Variants in PRDM2 observed in about 807,000 individuals in gnomAD.
The protein encoded by PRDM2 is PR domain zinc finger protein 2.
A neutral mutation model predicts 130.0 loss-of-function variants in PRDM2; 30 were observed. The observed-to-expected ratio is 0.23, with a 90% CI of 0.17 to 0.31. The LOEUF is 0.31. Ranked by LOEUF, PRDM2 falls within the 10% of genes least tolerant of loss-of-function variation. The pLI is 1.00. For missense variants in PRDM2, 2,011 were observed against 2,108.4 expected (o/e 0.95, Z 0.90); for synonymous variants, 871 against 782.4 (o/e 1.11, Z -1.89).
intron 5 of PRDM2, among the ~76,000 whole-genome samples, chr1:13,743,399 C>CAAAAAAAAAAA (rs70984282): frequency 2.4e-5 from 1 of 41,784 alleles, no homozygotes; most frequent in East Asian, 7.8e-4. Context: ...GACTCTGTCT[C>CAAAAAAAAAAA]AAAAAAAAAA....
chr1:13,804,599 GA>G (rs1645060029), intron 8 of PRDM2, among the ~76,000 whole-genome samples: 1 of 152,294 alleles, frequency 6.6e-6, no homozygotes, highest in Non-Finnish European at 1.5e-5. Context: ...TCCGGGGGGG[GA>G]AATGATGCCG....
intron 8 of PRDM2, chr1:13,786,831 G>A (rs1644751758): frequency 8.6e-7 from 1 of 1,162,530 alleles, no homozygotes; most frequent in Admixed American, 4.5e-5. Flanking sequence ...TCTGAGCATG[G>A]CCCTTGTTTT....
intron 5 of PRDM2, among the ~76,000 whole-genome samples, chr1:13,743,570 C>A (rs1166142464): frequency 6.6e-6 from 1 of 152,096 alleles, no homozygotes; most frequent in Non-Finnish European, 1.5e-5. Context: ...TTAAAAATGT[C>A]ATAGGTTGGA....
intron 6 of PRDM2, among the ~76,000 whole-genome samples, chr1:13,750,602 GTATT>G (rs1324959489): frequency 4.6e-5 from 7 of 152,150 alleles, no homozygotes; most frequent in Non-Finnish European, 8.8e-5. Flanking sequence ...TTTCAAGTAT[GTATT>G]CTTTGTATGT....
intron 9 of PRDM2, among the ~76,000 whole-genome samples, chr1:13,819,378 A>G (rs1394029966): frequency 2.6e-5 from 4 of 152,132 alleles, no homozygotes; most frequent in Non-Finnish European, 4.4e-5. Flanking sequence ...GAAGCGATCA[A>G]ATGAAGAGAG....
chr1:13,793,310 G>T (rs577817456), intron 8 of PRDM2, among the ~76,000 whole-genome samples: 2 of 152,346 alleles, frequency 1.3e-5, no homozygotes, highest in East Asian at 3.9e-4. Flanking sequence ...TGATGGCTGT[G>T]GTGGCGCTGG....
At chr1:13,707,246 A>G (rs1642236471) in intron 1 of PRDM2, among the ~76,000 whole-genome samples, 3 of 152,206 alleles carry the variant, frequency 2.0e-5, no homozygotes, top group South Asian at 4.1e-4. Context: ...CTTTGGTGCC[A>G]GGACCACTAC....
intron 2 of PRDM2, among the ~76,000 whole-genome samples, chr1:13,730,185 T>C (rs1643057166): frequency 6.6e-6 from 1 of 152,192 alleles, no homozygotes; most frequent in Non-Finnish European, 1.5e-5. Context: ...GGTGTACTGG[T>C]TACTAGACCC....
intron 8 of PRDM2, among the ~76,000 whole-genome samples, chr1:13,814,901 T>C (rs1645232902): frequency 6.6e-6 from 1 of 152,206 alleles, no homozygotes; most frequent in Admixed American, 6.5e-5. Context: ...CCTCCCTCAC[T>C]TTCCATTCTT....
chr1:13,780,014 C>T lies in PRDM2; in HGVS notation c.2219C>T (p.Pro740Leu). 6.2e-7 allele frequency: 1 copy of T among 1,614,196 alleles called. No individual in the cohort carries two copies. The highest frequency in any genetic ancestry group is 8.5e-7 in the Non-Finnish European group (1 of 1,180,036). ...SSRFKRRTSS[P>L]PSSPQHSPAL... The stretch of plus-strand genomic sequence containing the variant: ...AGGTTTAAGAGGCGGACCAGCTCTC[C>T]TCCCAGTTCTCCACAGCACAGTCCT... The change falls in exon 8 of 10, where the codon CCT becomes CTT. Residue 740 changes from proline (P) to leucine (L), a missense_variant. Around this residue, in one of 5 missense-constraint regions of PRDM2, gnomAD observed 1,288 missense variants for 1,237.7 expected, o/e 1.04. Coordinates refer to ENST00000311066, the MANE Select transcript of PRDM2 (RefSeq NM_001393986.1).
intron 1 of PRDM2, 131 bp downstream of exon 1, chr1:13,700,431 G>A (rs2100364579): frequency 6.7e-6 from 1 of 150,324 alleles, no homozygotes; most frequent in South Asian, 1.9e-4. Flanking sequence ...CCGGGTCGGC[G>A]GACGCGCCCC....
chr1:13,804,199 T>C (rs906729266), intron 8 of PRDM2, among the ~76,000 whole-genome samples: 1 of 152,148 alleles, frequency 6.6e-6, no homozygotes, highest in African/African-American at 2.4e-5. Flanking sequence ...TAATTCCTCA[T>C]GGTCAACTGT....
chr1:13,774,290 A>G (rs1045084516), intron 7 of PRDM2, among the ~76,000 whole-genome samples: 8 of 152,236 alleles, frequency 5.3e-5, no homozygotes, highest in African/African-American at 1.9e-4. Context: ...TGCAGATTGC[A>G]GCTTACTTGA....
intron 1 of PRDM2, among the ~76,000 whole-genome samples, chr1:13,715,189 A>G (rs1323051760): frequency 1.3e-5 from 2 of 152,222 alleles, no homozygotes; most frequent in Admixed American, 6.5e-5. Flanking sequence ...AAAGAAAAAG[A>G]CACTTATATT....
intron 6 of PRDM2, among the ~76,000 whole-genome samples, chr1:13,765,665 C>T (rs2100602474): frequency 1.3e-5 from 2 of 152,272 alleles, no homozygotes; most frequent in Middle Eastern, 6.8e-3. Context: ...TGGGATTTCA[C>T]CGTGTTGGTC....
In PRDM2 at chr1:13,823,542, G is replaced by T. The variant is rs1162100774; in HGVS notation, c.*407G>T. The T allele has an allele frequency of 1.2e-5, 3 of 258,268 alleles. No individual in the cohort carries two copies. Among genetic ancestry groups the T allele is most frequent in the Non-Finnish European group, 2.3e-5 (3 of 133,288 alleles). 16.0% of individuals were successfully genotyped at this position (258,268 alleles called of 1,614,324 possible). A position where few individuals can be genotyped will look rare whatever the true frequency, so the allele number is the denominator to read the frequency against. Reference sequence around the variant, plus strand: ...GTCTTTTGCCATTATGGGGACTTTGGTTTGACCCAGGGGTCAGCCTTAGGA... The same window carrying T: ...GTCTTTTGCCATTATGGGGACTTTGTTTTGACCCAGGGGTCAGCCTTAGGA... On this transcript the variant is annotated 3_prime_UTR_variant, in exon 10 of 10. Coordinates refer to ENST00000311066, the MANE Select transcript of PRDM2 (RefSeq NM_001393986.1).
In PRDM2 at chr1:13,781,994, C is replaced by A. The variant is rs551998207; in HGVS notation, c.4199C>A (p.Pro1400His). ...AATGCCTTCCGACGAATGGGACAGC[C>A]CAAAAGGCTTAACTTTAGTGTTGAG... ...GKNAFRRMGQ[P>H]KRLNFSVELS... Residue 1400 changes from proline to histidine, a missense_variant, in exon 8 of 10, where the codon CCC becomes CAC. Around this residue, in one of 5 missense-constraint regions of PRDM2, gnomAD observed 410 missense variants for 395.9 expected, o/e 1.04. Transcript: ENST00000311066. The surrounding 1 kb of genome is among the most constrained non-coding windows in gnomAD (Gnocchi z 6.1). 6.2e-7 allele frequency: 1 copy of A among 1,613,930 alleles called. No individual in the cohort carries two copies. Among genetic ancestry groups the A allele is most frequent in the Non-Finnish European group, 8.5e-7 (1 of 1,180,030 alleles).
chr1:13,761,387 C>T (rs972266408), intron 6 of PRDM2, among the ~76,000 whole-genome samples: 1 of 151,992 alleles, frequency 6.6e-6, no homozygotes, highest in Admixed American at 6.6e-5. Flanking sequence ...AACAAATGGA[C>T]GAAAGGACAG....
chr1:13,747,020 A>G (rs1467230128), intron 5 of PRDM2, among the ~76,000 whole-genome samples: 1 of 152,228 alleles, frequency 6.6e-6, no homozygotes, highest in African/African-American at 2.4e-5. Context: ...GTGCCCTCCC[A>G]AGTAGAGTTT....
Sources: gnomAD v4.1 joint callset for allele counts (sites outside exome capture counted in the v4.1 genomes callset) on GRCh38, gnomAD v4.1.1 for gene constraint, gnomAD v4.1.1 regional missense constraint, Gnocchi (gnomAD v3.1) non-coding constraint, MANE v1.5 for transcripts, NCBI Gene and HGNC (gene_info 2026-07-23, HGNC 2026-07-21) for gene names.